Variants in MORC4 observed in about 807,000 individuals in gnomAD.
The protein encoded by MORC4 is MORC family CW-type zinc finger 4.
A neutral mutation model predicts 65.5 loss-of-function variants in MORC4; 22 were observed. The ratio of observed to expected loss-of-function variants is 0.34; its 90% CI spans 0.24 to 0.48. The LOEUF is 0.48. Ranked by LOEUF, MORC4 falls within the 20% of genes least tolerant of loss-of-function variation. The pLI is 0.99. For synonymous variants in MORC4, 267 were observed against 255.8 expected (o/e 1.04, Z -0.42); for missense variants, 624 against 703.0 (o/e 0.89, Z 1.27).
chrX:106,986,215 G>A lies in MORC4; in HGVS notation c.309-15C>T. ...TAAAGCCAAAGCTGCAATTACACAAGAAAAAACAAATCAGAAAAAAAGAAA... is the reference window on the plus strand; with the variant it reads ...TAAAGCCAAAGCTGCAATTACACAAAAAAAAACAAATCAGAAAAAAAGAAA... On this transcript the variant is annotated splice_polypyrimidine_tract_variant and intron_variant, in intron 3 of 16. Coordinates refer to ENST00000355610, the MANE Select transcript of MORC4 (RefSeq NM_024657.5). 2 of 1,129,085 alleles carry A rather than the reference G, an allele frequency of 1.8e-6. No individual in the cohort carries two copies. Among genetic ancestry groups the A allele is most frequent in the African/African-American group, 1.8e-5 (1 of 54,225 alleles). 93.0% of individuals were successfully genotyped at this position (1,129,085 alleles called of 1,213,427 possible). A position where few individuals can be genotyped will look rare whatever the true frequency, so the allele number is the denominator to read the frequency against.
chrX:106,982,044 G>C (rs1212749460), intron 5 of MORC4, among the ~76,000 whole-genome samples: 1 of 111,603 alleles, frequency 9.0e-6, no homozygotes, highest in Non-Finnish European at 1.9e-5. Flanking sequence ...CCTTTCATAA[G>C]GACCTTTCTT....
intron 9 of MORC4, among the ~76,000 whole-genome samples, chrX:106,976,249 T>A (rs749133084): frequency 1.9e-4 from 21 of 111,758 alleles, no homozygotes; most frequent in South Asian, 1.1e-3. Flanking sequence ...TGCTTTTTTT[T>A]ATCCAATGTA....
At chrX:106,951,995 CAAAAAAAAAAAAAA>C (rs56864570) in intron 14 of MORC4, among the ~76,000 whole-genome samples, 6 of 31,667 alleles carry the variant, frequency 1.9e-4, no homozygotes, top group African/African-American at 7.5e-4. Context: ...GACTCTGCCG[CAAAAAAAAAAAAAA>C]AAAAAAAAAA....
intron 9 of MORC4, among the ~76,000 whole-genome samples, chrX:106,974,491 A>G (rs1934582940): frequency 8.9e-6 from 1 of 111,810 alleles, no homozygotes; most frequent in Admixed American, 9.5e-5. Context: ...CATGTGAGAC[A>G]TATCTCAAGT....
intron 9 of MORC4, among the ~76,000 whole-genome samples, chrX:106,966,278 G>A (rs143490305): frequency 0.019 from 2,107 of 112,346 alleles, 52 homozygotes; most frequent in African/African-American, 0.064. Context: ...AGAGCATTCA[G>A]TCACACAAAC....
At position 106,942,129 on chromosome X, in the gene MORC4, T is replaced by G; in HGVS notation, c.2469A>C (p.Glu823Asp). The change falls in exon 16 of 17, where the codon GAA becomes GAC. Residue 823 changes from glutamate (E) to aspartate (D), a missense_variant. Transcript: ENST00000355610. Reference protein sequence around the residue: ...ELVIYSTQEAEGLYWSKKHMG... With the variant: ...ELVIYSTQEADGLYWSKKHMG... The stretch of plus-strand genomic sequence containing the variant: ...TGTGTTTCTTGCTCCAGTACAAGCC[T>G]TCCGCCTCCTGGGTACTGTAGATCA... The G allele has an allele frequency of 3.3e-6, 4 of 1,211,415 alleles. No homozygotes were observed. Among genetic ancestry groups the G allele is most frequent in the Non-Finnish European group, 4.5e-6 (4 of 895,305 alleles).
intron 14 of MORC4, among the ~76,000 whole-genome samples, chrX:106,948,591 A>T (rs957134436): frequency 1.3e-4 from 14 of 111,831 alleles, no homozygotes; most frequent in African/African-American, 4.5e-4. Context: ...TCCTAAAAAA[A>T]TCTCTCTAGT....
chrX:106,980,045 G>C (rs932526680), intron 7 of MORC4, among the ~76,000 whole-genome samples: 24 of 110,369 alleles, frequency 2.2e-4, no homozygotes, highest in African/African-American at 7.9e-4. Context: ...TAATGCCTTT[G>C]ATAAAGCAAA....
At chrX:106,952,291 C>T (rs755267451) in intron 14 of MORC4, among the ~76,000 whole-genome samples, 1 of 112,064 alleles carries the variant, frequency 8.9e-6, no homozygotes, top group Non-Finnish European at 1.9e-5. Context: ...TACACCTAGG[C>T]AATAGCCTAT....
intron 4 of MORC4, 107 bp downstream of exon 4, chrX:106,985,876 C>T: frequency 3.3e-6 from 2 of 604,336 alleles, no homozygotes; most frequent in Non-Finnish European, 5.2e-6. Context: ...ATTTGAATAC[C>T]TCTTTTAAAA....
At chrX:106,951,590 G>A (rs190388631) in intron 14 of MORC4, among the ~76,000 whole-genome samples, 5 of 110,941 alleles carry the variant, frequency 4.5e-5, no homozygotes, top group African/African-American at 6.6e-5. Context: ...GGCTAGTCTC[G>A]AACTCCTGGG....
In MORC4 at chrX:106,993,215, T is replaced by C. The variant is rs763065495; in HGVS notation, c.308+15A>G. ...TGAGCTTAAGACAAGAAAAAGACAA[T>C]GAAGACATTTTTACCTGAGCATTCG... On this transcript the variant is annotated intron_variant, in intron 3 of 16. Transcript: ENST00000355610. 3.4e-5 allele frequency: 41 copies of C among 1,201,436 alleles called. No individual in the cohort carries two copies. Among genetic ancestry groups the C allele is most frequent in the Admixed American group, 6.7e-5 (3 of 45,007 alleles).
At chrX:106,997,944 G>A (rs970036354) in intron 2 of MORC4, among the ~76,000 whole-genome samples, 1 of 111,683 alleles carries the variant, frequency 9.0e-6, no homozygotes, top group Non-Finnish European at 1.9e-5. Flanking sequence ...TTTTATCTTT[G>A]TTTATATATC....
chrX:106,981,777 A>G (rs757515731), intron 5 of MORC4, among the ~76,000 whole-genome samples: 5 of 111,933 alleles, frequency 4.5e-5, no homozygotes, highest in African/African-American at 1.3e-4. Flanking sequence ...AGCTATCCTC[A>G]AAGTGGGATC....
rs780854420 is a variant in MORC4, at chrX:106,993,614, G to A, written c.176-252C>T. 2.7e-5 allele frequency among the ~76,000 whole-genome samples: 3 copies of A among 111,536 alleles called. No individual in the cohort carries two copies. In the Admixed American group the frequency reaches 2.9e-4, roughly 11 times the overall value. On this transcript the variant is annotated intron_variant, in intron 2 of 16. Coordinates refer to ENST00000355610, the MANE Select transcript of MORC4 (RefSeq NM_024657.5). ...ATATGCAATCTGCCTTTCCACCTTC[G>A]AACTTCAGGGTCTTTGGAAAAAAGT...
chrX:106,999,556 G>T, intron 2 of MORC4, 121 bp downstream of exon 2: 1 of 583,642 alleles, frequency 1.7e-6, no homozygotes, highest in Non-Finnish European at 2.4e-6. Flanking sequence ...GGCCGGTTCC[G>T]AGGCCCCCAC....
intron 13 of MORC4, 107 bp downstream of exon 13, chrX:106,956,373 G>T: frequency 1.4e-6 from 1 of 706,056 alleles, no homozygotes; most frequent in Non-Finnish European, 2.2e-6. Flanking sequence ...CAGAAGAAAT[G>T]GTTTGTTATT....
intron 14 of MORC4, among the ~76,000 whole-genome samples, chrX:106,950,406 T>C (rs1296954917): frequency 8.9e-6 from 1 of 112,031 alleles, no homozygotes; most frequent in African/African-American, 3.2e-5. Flanking sequence ...CCTTAAGGCC[T>C]GCCTCTCTCT....
Position 106,956,510 on chromosome X carries a change from C to T in MORC4, c.1479G>A (p.Lys493=). ...KKQEQTVEEK[K]KMPMENENHQ... is the part of the protein sequence containing the mutation. ...GGTTCTCATTTTCCATAGGCATCTT[C>T]TTCTTCTCCTCAACAGTTTGTTCTC... is the stretch of plus-strand genomic sequence containing the variant. The change falls in exon 13 of 17, where the codon AAG becomes AAA. Residue 493 remains lysine, a synonymous_variant. Transcript: ENST00000355610. 8.3e-7 allele frequency: 1 copy of T among 1,207,770 alleles called. No individual in the cohort carries two copies. The highest frequency in any genetic ancestry group is 1.1e-6 in the Non-Finnish European group (1 of 891,762).
Sources: allele counts gnomAD v4.1 joint callset (sites outside exome capture counted in the v4.1 genomes callset), GRCh38; gene constraint gnomAD v4.1.1; transcripts MANE v1.5; gene names NCBI Gene and HGNC (gene_info 2026-07-23, HGNC 2026-07-21).